The following VEPH1 variants were observed in gnomAD, a reference collection of about 807,000 sequenced individuals.
The protein encoded by VEPH1 is ventricular zone expressed PH domain containing 1.
In VEPH1, 80 loss-of-function variants were observed where a neutral mutation model predicts 85.2. The observed-to-expected ratio is 0.94, with a 90% CI of 0.78 to 1.13. VEPH1 has a LOEUF of 1.13. Among genes scored for constraint, VEPH1 ranks in the 50% most tolerant of loss-of-function variants. The pLI, the probability that VEPH1 is intolerant of heterozygous loss-of-function variation, is 0.00. For synonymous variants in VEPH1, 297 were observed against 348.0 expected, an observed-to-expected ratio of 0.85 and a Z score of 1.63; for missense variants, 955 against 980.5, an observed-to-expected ratio of 0.97 and a Z score of 0.35.
chr3:157,345,671 C>T (rs1724133011), intron 9 of VEPH1, among the ~76,000 whole-genome samples: 1 of 152,174 alleles, frequency 6.6e-6, no homozygotes, highest in Admixed American at 6.5e-5. Context: ...CCAGCCATCC[C>T]ATTGCTGGGT....
intron 2 of VEPH1, among the ~76,000 whole-genome samples, chr3:157,486,511 AG>A (rs1167552100): frequency 2.0e-5 from 3 of 150,766 alleles, no homozygotes; most frequent in African/African-American, 7.3e-5. Context: ...GAGGCAGCAT[AG>A]TTTGGTGGCT....
At chr3:157,293,380 C>T (rs1717759999) in intron 11 of VEPH1, among the ~76,000 whole-genome samples, 2 of 152,318 alleles carry the variant, frequency 1.3e-5, no homozygotes, top group South Asian at 4.1e-4. Context: ...ATGTGGCAAA[C>T]TCCTCACTAT....
At chr3:157,495,532 G>A in intron 1 of VEPH1, 26 bp from the exon 2 acceptor site, 3 of 1,392,888 alleles carry the variant, frequency 2.2e-6, no homozygotes, top group Non-Finnish European at 2.8e-6. Flanking sequence ...ATGACACAAT[G>A]TAGCCACTGG....
intron 2 of VEPH1, among the ~76,000 whole-genome samples, chr3:157,488,217 T>A (rs968561651): frequency 6.6e-6 from 1 of 152,132 alleles, no homozygotes. Context: ...ATTTCTCTGA[T>A]CTTTATGGGA....
intron 11 of VEPH1, among the ~76,000 whole-genome samples, chr3:157,291,536 G>T (rs1335491317): frequency 6.6e-6 from 1 of 152,168 alleles, no homozygotes; most frequent in South Asian, 2.1e-4. Flanking sequence ...AGGAACCATG[G>T]ATAAAGAGAT....
intron 11 of VEPH1, among the ~76,000 whole-genome samples, chr3:157,303,574 T>C (rs2108469365): frequency 6.6e-6 from 1 of 152,320 alleles, no homozygotes; most frequent in South Asian, 2.1e-4. Context: ...TGTATTTCAA[T>C]TTCTACCACT....
intron 7 of VEPH1, among the ~76,000 whole-genome samples, chr3:157,371,907 C>T (rs1459516750): frequency 6.6e-6 from 1 of 152,100 alleles, no homozygotes; most frequent in Non-Finnish European, 1.5e-5. Context: ...TGAGCAGTAG[C>T]CTTAACAGAA....
At chr3:157,436,992 C>A (rs1473098496) in intron 4 of VEPH1, 3 of 1,613,992 alleles carry the variant, frequency 1.9e-6, no homozygotes, top group Non-Finnish European at 1.7e-6. Context: ...GCCGAGAACT[C>A]GGATGATTAT....
intron 6 of VEPH1, among the ~76,000 whole-genome samples, chr3:157,395,972 G>A (rs141770578): frequency 0.012 from 1,769 of 152,226 alleles, 37 homozygotes; most frequent in African/African-American, 0.038. Flanking sequence ...TGTGCAGGAT[G>A]TGCGGGTTTG....
chr3:157,318,745 G>A (rs1332014242), intron 9 of VEPH1, among the ~76,000 whole-genome samples: 1 of 151,954 alleles, frequency 6.6e-6, no homozygotes, highest in Non-Finnish European at 1.5e-5. Flanking sequence ...ACTAGAGTTA[G>A]TTGAAAGTCG....
chr3:157,474,816 G>T, intron 2 of VEPH1, among the ~76,000 whole-genome samples: 1 of 146,274 alleles, frequency 6.8e-6, no homozygotes, highest in African/African-American at 2.6e-5. Flanking sequence ...AATTTGGCAT[G>T]GTGTTAAAAA....
At chr3:157,391,403 G>T (rs1342759210) in intron 6 of VEPH1, among the ~76,000 whole-genome samples, 2 of 152,216 alleles carry the variant, frequency 1.3e-5, no homozygotes, top group East Asian at 3.9e-4. Flanking sequence ...GAGCTAACTT[G>T]GGGAGAGGCT....
chr3:157,500,054 G>C (rs777292863), intron 1 of VEPH1, among the ~76,000 whole-genome samples: 11 of 152,272 alleles, frequency 7.2e-5, no homozygotes, highest in Admixed American at 1.3e-4. Context: ...CACAACATAC[G>C]TACTCTCTTT....
intron 7 of VEPH1, among the ~76,000 whole-genome samples, chr3:157,373,451 A>C (rs1177692091): frequency 1.3e-5 from 2 of 152,232 alleles, no homozygotes; most frequent in African/African-American, 4.8e-5. Flanking sequence ...CTTTTAACAC[A>C]AACTAAAAAG....
At chr3:157,274,366 A>G (rs1410985305) in intron 12 of VEPH1, among the ~76,000 whole-genome samples, 1 of 152,172 alleles carries the variant, frequency 6.6e-6, no homozygotes, top group East Asian at 1.9e-4. Flanking sequence ...TCAAAGTGTG[A>G]GGAATAGTAA....
intron 12 of VEPH1, among the ~76,000 whole-genome samples, chr3:157,285,651 C>G (rs1259281555): frequency 6.6e-6 from 1 of 152,204 alleles, no homozygotes; most frequent in Admixed American, 6.5e-5. Context: ...TGAGAGCTCT[C>G]TCCTCTCAAA....
chr3:157,413,938 G>C lies in VEPH1; in HGVS notation c.849C>G (p.Phe283Leu). The part of the protein sequence containing the change: ...LPMLKEIGER[F>L]PYLTGQMARI... ...TTGCCATCTGTCCAGTGAGGTAGGG[G>C]AATCTCTCACCAATCTCTTTCAGCA... The change falls in exon 6 of 14, where the codon TTC becomes TTG. Residue 283 changes from phenylalanine to leucine, a missense_variant. Physicochemically the swap from Phe to Leu is conservative, Grantham distance 22. Coordinates refer to ENST00000362010, the MANE Select transcript of VEPH1 (RefSeq NM_001167912.2). 1 of 1,613,640 alleles carries C rather than the reference G, an allele frequency of 6.2e-7. No homozygotes were observed. Among genetic ancestry groups the C allele is most frequent in the Non-Finnish European group, 8.5e-7 (1 of 1,179,728 alleles).
chr3:157,317,217 T>TA lies in VEPH1; in HGVS notation c.1736-17dup. The TA allele has an allele frequency of 6.2e-7, 1 of 1,604,934 alleles. No individual in the cohort carries two copies. The highest frequency in any genetic ancestry group is 8.5e-7 in the Non-Finnish European group (1 of 1,176,312). ...CTCACAGTGTCTAGAAACAAATACA[T>TA]ATAGCGTTAAACGTTATGGTCTTTC... On this transcript the variant is annotated splice_polypyrimidine_tract_variant and intron_variant, in intron 9 of 13. Transcript: ENST00000362010.
intron 2 of VEPH1, among the ~76,000 whole-genome samples, chr3:157,475,587 C>T (rs1027592463): frequency 2.0e-5 from 3 of 152,206 alleles, no homozygotes; most frequent in Admixed American, 6.5e-5. Flanking sequence ...ACAGGTGACC[C>T]GGACCCCTGT....
Sources: gnomAD v4.1 joint callset for allele counts (sites outside exome capture counted in the v4.1 genomes callset) on GRCh38, gnomAD v4.1.1 for gene constraint, MANE v1.5 for transcripts, NCBI Gene and HGNC (gene_info 2026-07-23, HGNC 2026-07-21) for gene names.